SDK1: variants seen among roughly 807,000 people sequenced by gnomAD.
SDK1 encodes the protein sidekick cell adhesion molecule 1.
Under a neutral mutation model 245.5 loss-of-function variants are expected in SDK1, and 157 were observed. The observed-to-expected ratio is 0.64, with a 90% CI of 0.56 to 0.73. The LOEUF (loss-of-function observed/expected upper bound fraction) is 0.73, where lower values mean the gene tolerates loss of function less well. SDK1 is among the 30% of genes least tolerant of loss of function. The pLI, the probability that SDK1 is intolerant of heterozygous loss-of-function variation, is 0.00. For synonymous variants in SDK1, 1,647 were observed against 1,278.5 expected, an observed-to-expected ratio of 1.29 and a Z score of -6.15; for missense variants, 3,583 against 3,002.3, an observed-to-expected ratio of 1.19 and a Z score of -4.52.
chr7:4,167,580 C>G (rs759907780), intron 32 of SDK1, among the ~76,000 whole-genome samples: 1 of 152,322 alleles, frequency 6.6e-6, no homozygotes, highest in South Asian at 2.1e-4. Flanking sequence ...GGTGCAGTGA[C>G]ACACAGATGA....
At chr7:3,911,329 G>C (rs887949454) in intron 5 of SDK1, among the ~76,000 whole-genome samples, 1 of 152,100 alleles carries the variant, frequency 6.6e-6, no homozygotes, top group Non-Finnish European at 1.5e-5. Flanking sequence ...TTTGTTGGGG[G>C]GCTGTAACAA....
intron 6 of SDK1, 22 bp downstream of exon 6, chr7:3,951,056 A>G (rs1780796713): frequency 6.7e-7 from 1 of 1,501,984 alleles, no homozygotes; most frequent in African/African-American, 1.4e-5. Flanking sequence ...GTCTCCTGTG[A>G]GACTCCTAGT....
At chr7:3,727,196 T>G (rs995135757) in intron 4 of SDK1, among the ~76,000 whole-genome samples, 14 of 152,250 alleles carry the variant, frequency 9.2e-5, no homozygotes, top group Admixed American at 1.3e-4. Flanking sequence ...TATCACTCAC[T>G]GATTATGTAC....
intron 1 of SDK1, among the ~76,000 whole-genome samples, chr7:3,361,814 G>A (rs1780960953): frequency 6.6e-6 from 1 of 152,060 alleles, no homozygotes; most frequent in African/African-American, 2.4e-5. Flanking sequence ...AAGAATAACC[G>A]GTGAATTTTC....
rs551617188 is a variant in SDK1 at position 3,750,215 on chromosome 7, AAAG to A, written c.714-71231_714-71229del. Among the ~76,000 whole-genome samples, 239 of 152,346 alleles carry A rather than the reference AAAG, an allele frequency of 1.6e-3. No individual in the cohort carries two copies. In the Middle Eastern group the frequency reaches 0.017, roughly 11 times the overall value. On this transcript the variant is annotated intron_variant, in intron 4 of 44. Transcript: ENST00000404826. ...TGGAGAGTTAGAACTTACATCTCTA[AAAG>A]AAGGTGTTTGATTTAATCAGAAAAG...
chr7:4,266,569 GTTTCT>G lies in SDK1; in HGVS notation c.*1189_*1193del, dbSNP rs754678052. On this transcript the variant is annotated 3_prime_UTR_variant, in exon 45 of 45. Coordinates refer to ENST00000404826, the MANE Select transcript of SDK1 (RefSeq NM_152744.4). Reference sequence around the variant, plus strand: ...TAGCCTTAACAGGTTTTTTGGAAATGTTTCTTTTTTTTATTTAAAATTGTCATTGT... The same window carrying G: ...TAGCCTTAACAGGTTTTTTGGAAATGTTTTTTTATTTAAAATTGTCATTGT... The G allele has an allele frequency of 1.8e-4, 161 of 914,518 alleles. No individual in the cohort carries two copies. The highest frequency in any genetic ancestry group is 1.8e-4 in the Non-Finnish European group (147 of 799,030). The allele number at this position is 914,518 out of a possible 1,614,324, so 56.7% of individuals were successfully genotyped here.
intron 1 of SDK1, among the ~76,000 whole-genome samples, chr7:3,563,017 C>T (rs1365441510): frequency 1.3e-5 from 2 of 151,030 alleles, no homozygotes; most frequent in East Asian, 1.9e-4. Flanking sequence ...GCAAGTAACC[C>T]AGAGCTAAAC....
At chr7:3,551,378 G>T (rs1387949755) in intron 1 of SDK1, among the ~76,000 whole-genome samples, 1 of 152,078 alleles carries the variant, frequency 6.6e-6, no homozygotes, top group Non-Finnish European at 1.5e-5. Context: ...AGATTATCCT[G>T]GTAAAGTTTT....
chr7:3,320,815 A>G (rs991596587), intron 1 of SDK1, among the ~76,000 whole-genome samples: 2 of 152,182 alleles, frequency 1.3e-5, no homozygotes, highest in Admixed American at 6.5e-5. Flanking sequence ...GATAAGCTTG[A>G]CCAAAAAAAT....
At chr7:3,616,670 A>G (rs1238665829) in intron 1 of SDK1, among the ~76,000 whole-genome samples, 1 of 152,206 alleles carries the variant, frequency 6.6e-6, no homozygotes, top group Non-Finnish European at 1.5e-5. Flanking sequence ...GGTTGGTAAT[A>G]TTGTATTACT....
At chr7:3,720,373 A>C (rs960572159) in intron 4 of SDK1, among the ~76,000 whole-genome samples, 2 of 152,184 alleles carry the variant, frequency 1.3e-5, no homozygotes, top group East Asian at 1.9e-4. Context: ...TATATAGACT[A>C]CTCTTAGAAC....
intron 1 of SDK1, among the ~76,000 whole-genome samples, chr7:3,596,228 C>G (rs1012156759): frequency 6.6e-6 from 1 of 152,054 alleles, no homozygotes; most frequent in Non-Finnish European, 1.5e-5. Context: ...CTGGCTCTTC[C>G]ATCTGGCTGG....
chr7:4,071,458 A>G lies in SDK1; in HGVS notation c.3010+3522A>G, dbSNP rs376352447. ...GAAGTCACTACTAGAATTGGACACA[A>G]TCTGTTGCACATTCTGAAGTCATCT... On this transcript the variant is annotated intron_variant, in intron 20 of 44. Transcript: ENST00000404826. Among the ~76,000 whole-genome samples, 512 of 152,346 alleles carry G rather than the reference A, an allele frequency of 3.4e-3. 3 individuals are homozygous for G. The highest frequency in any genetic ancestry group is 0.031 in the South Asian group (150 of 4,820).
intron 40 of SDK1, chr7:4,227,250 A>C: frequency 2.5e-6 from 1 of 399,012 alleles, no homozygotes; most frequent in Non-Finnish European, 5.1e-6. Context: ...CGGTCCCCTC[A>C]TGTGCTGCTT....
At chr7:3,465,333 C>G (rs184243109) in intron 1 of SDK1, among the ~76,000 whole-genome samples, 2 of 152,174 alleles carry the variant, frequency 1.3e-5, no homozygotes, top group East Asian at 3.9e-4. Flanking sequence ...ACAAATTAAA[C>G]TATGAGTAAA....
At chr7:3,998,036 G>C (rs1186656038) in intron 14 of SDK1, among the ~76,000 whole-genome samples, 1 of 152,218 alleles carries the variant, frequency 6.6e-6, no homozygotes, top group Admixed American at 6.5e-5. Flanking sequence ...AGCTGCAGCT[G>C]TGCCCAAGAG....
rs776662961 is a variant in SDK1, at chr7:4,127,444, C to G, written c.3887C>G (p.Thr1296Arg). 6.2e-7 allele frequency: 1 copy of G among 1,614,188 alleles called. No homozygotes were observed. Among genetic ancestry groups the G allele is most frequent in the South Asian group, 1.1e-5 (1 of 91,078 alleles). ...EAVSSTQILLTWTSVPEQDQN... is the reference protein window; with the variant it reads ...EAVSSTQILLRWTSVPEQDQN... ...GTCAGCTCGACCCAGATTTTACTGA[C>G]ATGGACATCCGTGCCGGAACAGGAC... Residue 1296 changes from threonine to arginine, a missense_variant, in exon 26 of 45, where the codon ACA (threonine) becomes AGA (arginine). Coordinates refer to ENST00000404826, the MANE Select transcript of SDK1 (RefSeq NM_152744.4).
intron 22 of SDK1, among the ~76,000 whole-genome samples, chr7:4,096,050 T>G (rs930180707): frequency 1.7e-4 from 26 of 152,234 alleles, no homozygotes; most frequent in Non-Finnish European, 3.1e-4. Flanking sequence ...GGTAGAAACC[T>G]GTCCTGAAAT....
intron 22 of SDK1, among the ~76,000 whole-genome samples, chr7:4,101,288 C>A (rs1782522174): frequency 6.6e-6 from 1 of 151,932 alleles, no homozygotes; most frequent in Non-Finnish European, 1.5e-5. Flanking sequence ...ACTACAGGTG[C>A]CCGCCACCAC....
Sources: gnomAD v4.1 joint callset for allele counts (sites outside exome capture counted in the v4.1 genomes callset) on GRCh38, gnomAD v4.1.1 for gene constraint, MANE v1.5 for transcripts, NCBI Gene and HGNC (gene_info 2026-07-23, HGNC 2026-07-21) for gene names.